Variants in PFKFB1 observed in about 807,000 individuals in gnomAD.
The protein encoded by PFKFB1 is 6-phosphofructo-2-kinase/fructose-2,6-biphosphatase 1.
Under a neutral mutation model 46.4 loss-of-function variants are expected in PFKFB1, and 34 were observed. The ratio of observed to expected loss-of-function variants is 0.73; its 90% CI spans 0.56 to 0.98. The LOEUF is 0.98. Ranked by LOEUF, PFKFB1 falls within the 50% of genes least tolerant of loss-of-function variation. PFKFB1 has a pLI of 0.00. For missense variants in PFKFB1, 393 were observed against 376.3 expected (o/e 1.04, Z -0.37); for synonymous variants, 119 against 133.8 (o/e 0.89, Z 0.76).
chrX:54,949,354 G>A, intron 8 of PFKFB1, 133 bp from the exon 9 acceptor site: 1 of 450,258 alleles, frequency 2.2e-6, no homozygotes, highest in Non-Finnish European at 3.6e-6. Flanking sequence ...GAGTTTAAAT[G>A]TTCCAAACTT....
chrX:54,963,462 T>C, intron 1 of PFKFB1, 80 bp from the exon 2 acceptor site: 1 of 1,006,942 alleles, frequency 9.9e-7, no homozygotes, highest in Non-Finnish European at 1.4e-6. Flanking sequence ...TGTAGAGTTG[T>C]AAAGAACATG....
intron 1 of PFKFB1, among the ~76,000 whole-genome samples, chrX:54,980,342 A>C (rs747108964): frequency 2.0e-5 from 2 of 99,014 alleles, no homozygotes; most frequent in African/African-American, 7.7e-5. Context: ...CACACACACA[A>C]ACGTGTGTGT....
At chrX:54,935,352 C>T (rs1014326629) in intron 11 of PFKFB1, among the ~76,000 whole-genome samples, 1 of 111,634 alleles carries the variant, frequency 9.0e-6, no homozygotes, top group Non-Finnish European at 1.9e-5. Context: ...GGGCCTTCAG[C>T]AGACCCCACA....
At chrX:54,970,169 A>C (rs924001940) in intron 1 of PFKFB1, among the ~76,000 whole-genome samples, 1 of 111,173 alleles carries the variant, frequency 9.0e-6, no homozygotes, top group Non-Finnish European at 1.9e-5. Context: ...TCAGTCTCCC[A>C]AAGTGCTGGG....
upstream of PFKFB1, chrX:54,998,262 A>G: frequency 2.0e-6 from 1 of 493,943 alleles, no homozygotes; most frequent in South Asian, 3.0e-5. Context: ...GGTTACATAT[A>G]GATATAATCT....
intron 1 of PFKFB1, among the ~76,000 whole-genome samples, chrX:54,991,266 A>G (rs978980154): frequency 8.9e-6 from 1 of 112,068 alleles, no homozygotes; most frequent in East Asian, 2.8e-4. Context: ...ACATACTGCT[A>G]TAAAATTTAA....
At chrX:54,986,266 A>T (rs1935110615) in intron 1 of PFKFB1, among the ~76,000 whole-genome samples, 1 of 112,167 alleles carries the variant, frequency 8.9e-6, no homozygotes, top group South Asian at 3.6e-4. Flanking sequence ...AGCCTGGGCA[A>T]CATAGTGAGA....
At chrX:54,972,241 G>A (rs2146658128) in intron 1 of PFKFB1, among the ~76,000 whole-genome samples, 1 of 110,963 alleles carries the variant, frequency 9.0e-6, no homozygotes, top group African/African-American at 3.3e-5. Flanking sequence ...ATTTTGGGAT[G>A]AGACAATGGG....
At chrX:54,954,187 T>A (rs1934066417) in intron 7 of PFKFB1, among the ~76,000 whole-genome samples, 1 of 112,407 alleles carries the variant, frequency 8.9e-6, no homozygotes, top group Non-Finnish European at 1.9e-5. Context: ...TTGACTACCT[T>A]GATGCTGTTT....
intron 10 of PFKFB1, among the ~76,000 whole-genome samples, chrX:54,939,117 A>G (rs1251178173): frequency 2.7e-5 from 3 of 112,082 alleles, no homozygotes; most frequent in Non-Finnish European, 5.6e-5. Context: ...CTACATGGAA[A>G]CTGAACAACC....
At chrX:54,943,500 C>T (rs993102288) in intron 10 of PFKFB1, among the ~76,000 whole-genome samples, 4 of 112,277 alleles carry the variant, frequency 3.6e-5, no homozygotes, top group Non-Finnish European at 5.6e-5. Flanking sequence ...GCCTGTAATC[C>T]TAGCACTTTG....
chrX:54,960,957 C>T (rs774841320), intron 2 of PFKFB1, 40 bp from the exon 3 acceptor site: 1 of 910,358 alleles, frequency 1.1e-6, no homozygotes, highest in East Asian at 3.3e-5. Context: ...TGGGAAGATC[C>T]CAGTGGCCAA....
chrX:54,963,153 T>C, intron 2 of PFKFB1, 104 bp downstream of exon 2: 1 of 719,775 alleles, frequency 1.4e-6, no homozygotes. Context: ...GTAATAATAA[T>C]GATGGGGCAT....
chrX:54,937,077 A>G (rs1437490114), intron 11 of PFKFB1, among the ~76,000 whole-genome samples: 3 of 111,124 alleles, frequency 2.7e-5, no homozygotes, highest in Non-Finnish European at 1.9e-5. Context: ...AAAATAAATT[A>G]TCATTTGAAA....
chrX:54,960,200 C>T (rs1934268732), intron 3 of PFKFB1, among the ~76,000 whole-genome samples: 1 of 112,547 alleles, frequency 8.9e-6, no homozygotes. Flanking sequence ...GCTAATGGAA[C>T]TCAAGCTGAA....
At chrX:54,971,636 T>A (rs1477478170) in intron 1 of PFKFB1, among the ~76,000 whole-genome samples, 1 of 112,097 alleles carries the variant, frequency 8.9e-6, no homozygotes, top group Non-Finnish European at 1.9e-5. Context: ...TTGTCAAAGA[T>A]CAGATAGTTG....
intron 8 of PFKFB1, among the ~76,000 whole-genome samples, 176 bp downstream of exon 8, chrX:54,951,729 C>T (rs773225528): frequency 8.0e-5 from 9 of 112,414 alleles, no homozygotes; most frequent in Admixed American, 3.7e-4. Flanking sequence ...GGGAGCCATT[C>T]GGCGGCTGGG....
intron 11 of PFKFB1, 152 bp from the exon 12 acceptor site, chrX:54,935,161 C>T: frequency 4.1e-6 from 2 of 489,675 alleles, no homozygotes; most frequent in Admixed American, 3.0e-5. Flanking sequence ...CCTGCAGGGG[C>T]AGCACTGAGA....
chrX:54,943,316 A>T (rs760739989), intron 10 of PFKFB1, among the ~76,000 whole-genome samples: 2 of 112,001 alleles, frequency 1.8e-5, no homozygotes, highest in South Asian at 7.5e-4. Flanking sequence ...AGTGAGGGTA[A>T]TACTTTCAAA....
Sources: allele counts gnomAD v4.1 joint callset (sites outside exome capture counted in the v4.1 genomes callset), GRCh38; gene constraint gnomAD v4.1.1; transcripts MANE v1.5; gene names NCBI Gene and HGNC (gene_info 2026-07-23, HGNC 2026-07-21).